Variants in FEZ2 observed in about 807,000 individuals in gnomAD.
FEZ2 encodes the protein fasciculation and elongation protein zeta 2, also known as fasciculation and elongation protein zeta-2.
Under a neutral mutation model 40.4 loss-of-function variants are expected in FEZ2, and 51 were observed. That is an observed-to-expected ratio of 1.26 (90% CI 1.01 to 1.59). The LOEUF is 1.59. FEZ2 is among the 40% of genes most tolerant of loss of function. The probability of loss-of-function intolerance (pLI) is 0.00; values close to 1 mark genes in which losing one functional copy is unlikely to be tolerated. For synonymous variants in FEZ2, 242 were observed against 172.0 expected (o/e 1.41, Z -3.18); for missense variants, 640 against 438.3 (o/e 1.46, Z -4.11).
intron 3 of FEZ2, among the ~76,000 whole-genome samples, chr2:36,581,880 T>C (rs147015424): frequency 2.0e-5 from 3 of 151,838 alleles, no homozygotes; most frequent in Admixed American, 1.3e-4. Flanking sequence ...TAAAATACAA[T>C]AGCACAAAAA....
At chr2:36,555,825 G>A in intron 6 of FEZ2, 77 bp from the exon 7 acceptor site, 1 of 839,208 alleles carries the variant, frequency 1.2e-6, no homozygotes, top group South Asian at 1.8e-5. Context: ...CAATCATTGT[G>A]GCCTTAATCT....
In FEZ2 at chr2:36,576,275, A is replaced by ATT. The variant is rs34261823; in HGVS notation, c.903+2320_903+2321dup. Among the ~76,000 whole-genome samples, 304 of 149,204 alleles carry ATT rather than the reference A, an allele frequency of 2.0e-3. 2 individuals are homozygous for ATT. Among genetic ancestry groups the ATT allele is most frequent in the African/African-American group, 4.5e-3 (184 of 40,668 alleles). On this transcript the variant is annotated intron_variant, in intron 5 of 7. Coordinates refer to ENST00000405912, the MANE Select transcript of FEZ2 (RefSeq NM_005102.3). Reference sequence around the variant, plus strand: ...CTTTCCCTGGCATTTTAGGCTTTTTATTTTTTTTTTTTGAGACAGAGCCTC... The same window carrying ATT: ...CTTTCCCTGGCATTTTAGGCTTTTTATTTTTTTTTTTTTTGAGACAGAGCCTC...
chr2:36,589,921 A>G (rs1281531944), intron 2 of FEZ2: 4 of 152,266 alleles, frequency 2.6e-5, no homozygotes, highest in African/African-American at 7.2e-5. Context: ...AAGATCTGGC[A>G]TGAGTTTACA....
Position 36,598,160 on chromosome 2 carries a change from G to C in FEZ2, c.-18C>G, listed in dbSNP as rs1176205083. ...GCCGCCATCGCCGCCCGGAGCAGTC[G>C]CGCGCCCCGCCCAGGCCGGCCCAGC... On this transcript the variant is annotated 5_prime_UTR_variant, in exon 1 of 8. Coordinates refer to ENST00000405912, the MANE Select transcript of FEZ2 (RefSeq NM_005102.3). The C allele has an allele frequency of 1.8e-3, 2,597 of 1,415,524 alleles. 4 individuals are homozygous for C. Among genetic ancestry groups the C allele is most frequent in the Non-Finnish European group, 2.2e-3 (2,430 of 1,088,642 alleles). The allele number at this position is 1,415,524 out of a possible 1,614,324, so 87.7% of individuals were successfully genotyped here. A position where few individuals can be genotyped will look rare whatever the true frequency, so the allele number is the denominator to read the frequency against.
chr2:36,557,437 T>C (rs1667985833), intron 6 of FEZ2: 1 of 152,122 alleles, frequency 6.6e-6, no homozygotes, highest in South Asian at 2.1e-4. Context: ...AGCTAAGAAA[T>C]AAGACACTTG....
intron 5 of FEZ2, among the ~76,000 whole-genome samples, chr2:36,562,596 C>A (rs948948034): frequency 6.6e-6 from 1 of 152,130 alleles, no homozygotes; most frequent in Non-Finnish European, 1.5e-5. Context: ...GCTGACTACT[C>A]TTCACTTCAC....
In FEZ2 at chr2:36,558,417, T is replaced by C. The variant is rs1021400622; in HGVS notation, c.979+21A>G. 3.5e-6 allele frequency: 5 copies of C among 1,446,574 alleles called. No homozygotes were observed. The African/African-American group carries it at 7.2e-5, about 21-fold the overall frequency. The allele number at this position is 1,446,574 out of a possible 1,614,324, so 89.6% of individuals were successfully genotyped here. A position where few individuals can be genotyped will look rare whatever the true frequency, so the allele number is the denominator to read the frequency against. ...TCAGCAAAAGGAAATCAGGTAATAG[T>C]TTCATTTTGTCTTTGCTCACTTTTT... On this transcript the variant is annotated intron_variant, in intron 6 of 7. Coordinates refer to ENST00000405912, the MANE Select transcript of FEZ2 (RefSeq NM_005102.3).
chr2:36,580,762 C>T (rs566701718), intron 4 of FEZ2, among the ~76,000 whole-genome samples: 2 of 152,232 alleles, frequency 1.3e-5, no homozygotes, highest in African/African-American at 4.8e-5. Context: ...CCCCAAGTAC[C>T]TCAGAATGTT....
At chr2:36,568,472 T>C (rs1191245632) in intron 5 of FEZ2, among the ~76,000 whole-genome samples, 2 of 152,162 alleles carry the variant, frequency 1.3e-5, no homozygotes, top group South Asian at 2.1e-4. Context: ...CATTTCCAAG[T>C]TTGAAATAAA....
At chr2:36,554,715 G>C (rs1021357063) in intron 7 of FEZ2, among the ~76,000 whole-genome samples, 4 of 152,216 alleles carry the variant, frequency 2.6e-5, no homozygotes, top group African/African-American at 9.6e-5. Context: ...ACTCTTACAA[G>C]TGAAATGTGT....
intron 1 of FEZ2, among the ~76,000 whole-genome samples, chr2:36,595,348 G>A (rs953911956): frequency 7.2e-5 from 11 of 151,926 alleles, no homozygotes; most frequent in African/African-American, 2.7e-4. Flanking sequence ...GGTCCTATCT[G>A]GGGGAGAGGG....
chr2:36,554,176 G>A (rs1245366345), intron 7 of FEZ2: 3 of 471,076 alleles, frequency 6.4e-6, no homozygotes, highest in Admixed American at 4.7e-5. Flanking sequence ...TTACAGACAG[G>A]AGCCAGCGGC....
chr2:36,583,499 C>G (rs1390226810), intron 2 of FEZ2, 30 bp from the exon 3 acceptor site: 4 of 1,129,082 alleles, frequency 3.5e-6, no homozygotes, highest in Non-Finnish European at 5.4e-6. Flanking sequence ...TCATTAAAAG[C>G]AGGACATCCT....
intron 3 of FEZ2, 186 bp from the exon 4 acceptor site, chr2:36,581,617 G>A: frequency 3.5e-6 from 2 of 567,498 alleles, no homozygotes; most frequent in African/African-American, 1.9e-5. Context: ...GGTTTATCAA[G>A]AAAAAATTAC....
At chr2:36,569,712 A>G (rs1187545442) in intron 5 of FEZ2, among the ~76,000 whole-genome samples, 1 of 152,196 alleles carries the variant, frequency 6.6e-6, no homozygotes, top group Admixed American at 6.5e-5. Flanking sequence ...CAAGACAACA[A>G]AGGGCTCAGG....
At chr2:36,588,140 T>C (rs1347416051) in intron 2 of FEZ2, among the ~76,000 whole-genome samples, 1 of 152,136 alleles carries the variant, frequency 6.6e-6, no homozygotes, top group East Asian at 1.9e-4. Flanking sequence ...GCAATTCTCC[T>C]GCCTCAGCCT....
chr2:36,572,654 A>G (rs1668450413), intron 5 of FEZ2, among the ~76,000 whole-genome samples: 1 of 152,230 alleles, frequency 6.6e-6, no homozygotes, highest in Admixed American at 6.5e-5. Flanking sequence ...TTCATAAAAC[A>G]GGTGAAGAGT....
intron 4 of FEZ2, 101 bp from the exon 5 acceptor site, chr2:36,578,966 T>G: frequency 1.1e-6 from 1 of 944,982 alleles, no homozygotes; most frequent in South Asian, 1.6e-5. Context: ...ACCTATGTAA[T>G]CAATGCCAAA....
rs1667854414 is a variant in FEZ2, at chr2:36,552,905, T to C, written c.*258A>G. 6.6e-6 allele frequency: 3 copies of C among 452,556 alleles called. No homozygotes were observed. Among genetic ancestry groups the C allele is most frequent in the East Asian group, 3.5e-5 (1 of 28,882 alleles). 28.0% of individuals were successfully genotyped at this position (452,556 alleles called of 1,614,324 possible). ...TACAACTGCACATGCACAATTAATA[T>C]TACTCTCTCTTAATCTACTAAGAGA... On this transcript the variant is annotated 3_prime_UTR_variant, in exon 8 of 8. Coordinates refer to ENST00000405912, the MANE Select transcript of FEZ2 (RefSeq NM_005102.3).
Sources: allele counts gnomAD v4.1 joint callset (sites outside exome capture counted in the v4.1 genomes callset), GRCh38; gene constraint gnomAD v4.1.1; transcripts MANE v1.5; gene names NCBI Gene and HGNC (gene_info 2026-07-23, HGNC 2026-07-21).